The following NOTUM variants were observed in gnomAD, a reference collection of about 807,000 sequenced individuals.
The protein encoded by NOTUM is notum, palmitoleoyl-protein carboxylesterase.
Under a neutral mutation model 65.5 loss-of-function variants are expected in NOTUM, and 36 were observed. The observed-to-expected ratio is 0.55, with a 90% CI of 0.42 to 0.73. The LOEUF is 0.73. NOTUM is among the 30% of genes least tolerant of loss of function. The probability of loss-of-function intolerance (pLI) is 0.00; values close to 1 mark genes in which losing one functional copy is unlikely to be tolerated. For missense variants in NOTUM, 659 were observed against 694.2 expected (o/e 0.95, Z 0.57); for synonymous variants, 356 against 297.9 (o/e 1.20, Z -2.01).
At position 81,957,834 on chromosome 17, in the gene NOTUM, C is replaced by T; in HGVS notation, c.667G>A (p.Ala223Thr). Residue 223 changes from alanine (A) to threonine (T), a missense_variant, in exon 6 of 11, where the codon GCC (alanine) becomes ACC (threonine). Ala to Thr is a moderately conservative substitution (Grantham distance 58). Transcript: ENST00000409678. ...CTCCCGGCCAGCAGCAGCACCTTGG[C>T]CCCGCTCAGCCCTCTGCCCAGAAGC... ...RELLGRGLSG[A>T]KVLLLAGSSA... 6.2e-7 allele frequency: 1 copy of T among 1,608,052 alleles called. No homozygotes were observed. The highest frequency in any genetic ancestry group is 8.5e-7 in the Non-Finnish European group (1 of 1,177,916).
rs1410931145 is a variant in NOTUM, at chr17:81,955,388, C to T, written c.1136+9G>A. 1.3e-6 allele frequency: 2 copies of T among 1,561,420 alleles called. No individual in the cohort carries two copies. Among genetic ancestry groups the T allele is most frequent in the Non-Finnish European group, 1.7e-6 (2 of 1,150,000 alleles). ...CCCGGCGTGGGGCTCCCGGGGCCCA[C>T]ACACTCACGGCACGTCCTTGAGTGT... On this transcript the variant is annotated intron_variant, in intron 9 of 10. Coordinates refer to ENST00000409678, the MANE Select transcript of NOTUM (RefSeq NM_178493.6).
chr17:81,959,567 C>G lies in NOTUM; in HGVS notation c.377-1G>C. 6.5e-7 allele frequency: 1 copy of G among 1,548,818 alleles called. No individual in the cohort carries two copies. The highest frequency in any genetic ancestry group is 8.7e-7 in the Non-Finnish European group (1 of 1,146,362). On this transcript the variant is annotated splice_acceptor_variant, in intron 2 of 10. Transcript: ENST00000409678. LOFTEE classifies it high-confidence loss of function. ...TCGCGGTTGAAGCAGTACCAGCCGCCTGCGGACACGACCGCCGCTCAGGCC... is the reference window on the plus strand; with the variant it reads ...TCGCGGTTGAAGCAGTACCAGCCGCGTGCGGACACGACCGCCGCTCAGGCC...
chr17:81,953,323 G>A (rs1395296870), intron 10 of NOTUM, 56 bp from the exon 11 acceptor site: 3 of 1,206,656 alleles, frequency 2.5e-6, no homozygotes, highest in East Asian at 2.5e-5. Flanking sequence ...TCAACACTGA[G>A]GCAGCTGTTT....
At position 81,957,907 on chromosome 17, in the gene NOTUM, G is replaced by T. The variant is rs573529501; in HGVS notation, c.594C>A (p.Asn198Lys). 6.9e-6 allele frequency: 11 copies of T among 1,594,036 alleles called. No individual in the cohort carries two copies. Among genetic ancestry groups the T allele is most frequent in the Non-Finnish European group, 4.3e-6 (5 of 1,170,144 alleles). Reference sequence around the variant, plus strand: ...TGAGGGCGCCCATGAAGGCGTACTCGTCTGCAAGAGGGAGGGGGTGGCCTC... The same window carrying T: ...TGAGGGCGCCCATGAAGGCGTACTCTTCTGCAAGAGGGAGGGGGTGGCCTC... Reference protein sequence around the residue: ...WSGASSKSEKNEYAFMGALII... With the variant: ...WSGASSKSEKKEYAFMGALII... Residue 198 changes from asparagine (N) to lysine (K), a missense_variant and splice_region_variant, in exon 6 of 11, where the codon AAC becomes AAA. Transcript: ENST00000409678.
In NOTUM at chr17:81,960,168, C is replaced by A. The variant is rs1436870585; in HGVS notation, c.323+419G>T. ...CCCCGGCTGTCCTCGGCCTGTTGAGCGCGTGGGCGGCCCCGCCGCTCCCCG... is the reference window on the plus strand; with the variant it reads ...CCCCGGCTGTCCTCGGCCTGTTGAGAGCGTGGGCGGCCCCGCCGCTCCCCG... On this transcript the variant is annotated intron_variant, in intron 1 of 10. Coordinates refer to ENST00000409678, the MANE Select transcript of NOTUM (RefSeq NM_178493.6). The surrounding 1 kb of genome is among the most constrained non-coding windows in gnomAD (Gnocchi z 6.4). Among the ~76,000 whole-genome samples, 5 of 152,220 alleles carry A rather than the reference C, an allele frequency of 3.3e-5. No individual in the cohort carries two copies. The highest frequency in any genetic ancestry group is 3.4e-3 in the Middle Eastern group (1 of 292).
In NOTUM at chr17:81,955,513, G is replaced by A. The variant is rs568603969; in HGVS notation, c.1020C>T (p.Asp340=). The A allele has an allele frequency of 3.2e-5, 51 of 1,611,342 alleles. No homozygotes were observed. The highest frequency in any genetic ancestry group is 3.8e-5 in the Non-Finnish European group (45 of 1,179,330). The part of the protein sequence containing the change: ...CPVFVVQWLF[D]EAQLTVDNVH... ...CGTTGTCCACCGTCAGCTGTGCCTC[G>A]TCAAACAGCCACTGCACCACGAACA... The change falls in exon 9 of 11, where the codon GAC becomes GAT. Residue 340 remains aspartate (D), a synonymous_variant. Coordinates refer to ENST00000409678, the MANE Select transcript of NOTUM (RefSeq NM_178493.6).
Position 81,953,212 on chromosome 17 carries a change from A to G in NOTUM, c.1240T>C (p.Trp414Arg). The G allele has an allele frequency of 6.2e-7, 1 of 1,612,722 alleles. No individual in the cohort carries two copies. Among genetic ancestry groups the G allele is most frequent in the Non-Finnish European group, 8.5e-7 (1 of 1,179,770 alleles). The change falls in exon 11 of 11, where the codon TGG (tryptophan) becomes CGG (arginine). Residue 414 changes from tryptophan (W) to arginine (R), a missense_variant. By Grantham distance (101) the Trp-to-Arg change is moderately radical (BLOSUM62 -3). Transcript: ENST00000409678. ...TGGCTGTCATGGAGGCTCCTGTCCC[A>G]GCAGTGCAGTGCTCGGGGCAGCGAC... ...GTSLPRALHCWDRSLHDSHKA... is the reference protein window; with the variant it reads ...GTSLPRALHCRDRSLHDSHKA...
chr17:81,953,003 C>T lies in NOTUM; in HGVS notation c.1449G>A (p.Leu483=), dbSNP rs2041398928. Reference sequence around the variant, plus strand: ...GCATCCCCAGCAGCTCACTGGGCTCCAGTCCCTGCGGCTGGGCCACCGTCT... The same window carrying T: ...GCATCCCCAGCAGCTCACTGGGCTCTAGTCCCTGCGGCTGGGCCACCGTCT... ...DMQTVAQPQG[L]EPSELLGMLS... is the part of the protein sequence containing the mutation. Residue 483 remains leucine (L), a synonymous_variant, in exon 11 of 11, where the codon CTG becomes CTA. Coordinates refer to ENST00000409678, the MANE Select transcript of NOTUM (RefSeq NM_178493.6). The T allele has an allele frequency of 6.2e-7, 1 of 1,614,044 alleles. No individual in the cohort carries two copies. Among genetic ancestry groups the T allele is most frequent in the South Asian group, 1.1e-5 (1 of 91,082 alleles).
At position 81,954,297 on chromosome 17, in the gene NOTUM, G is replaced by C; in HGVS notation, c.1143C>G (p.Ser381Arg). 6.2e-7 allele frequency: 1 copy of C among 1,612,664 alleles called. No individual in the cohort carries two copies. Among genetic ancestry groups the C allele is most frequent in the South Asian group, 1.1e-5 (1 of 91,042 alleles). Residue 381 changes from serine (S) to arginine (R), a missense_variant, in exon 10 of 11, where the codon AGC (serine) becomes AGG (arginine). Coordinates refer to ENST00000409678, the MANE Select transcript of NOTUM (RefSeq NM_178493.6). Reference protein sequence around the residue: ...LRHTLKDVPASFAPACLSHEI... With the variant: ...LRHTLKDVPARFAPACLSHEI... ...CATGGGAGAGGCAGGCGGGGGCAAA[G>C]CTGGCCCTGTTGGAGAGGAGACAGT...
At position 81,959,479 on chromosome 17, in the gene NOTUM, G is replaced by C; in HGVS notation, c.464C>G (p.Thr155Ser). The C allele has an allele frequency of 2.6e-6, 4 of 1,547,344 alleles. No individual in the cohort carries two copies. The highest frequency in any genetic ancestry group is 2.6e-6 in the Non-Finnish European group (3 of 1,146,056). Residue 155 changes from threonine to serine, a missense_variant, in exon 3 of 11, where the codon ACT (threonine) becomes AGT (serine). By Grantham distance (58) the Thr-to-Ser change is moderately conservative. Coordinates refer to ENST00000409678, the MANE Select transcript of NOTUM (RefSeq NM_178493.6). ...CAGGGCCCGCCGCTGACCTGTGCGA[G>C]TGCGCGGCCAGTCCCGGGAGCTCAT... ...RLMSSRDWPR[T>S]RTGTGILSSQ... is the part of the protein sequence containing the mutation.
chr17:81,957,813 C>T lies in NOTUM; in HGVS notation c.688G>A (p.Gly230Arg), dbSNP rs1348442140. Reference sequence around the variant, plus strand: ...CTGCCCCGCCCTGCCCACCTGCTCCCGGCCAGCAGCAGCACCTTGGCCCCG... The same window carrying T: ...CTGCCCCGCCCTGCCCACCTGCTCCTGGCCAGCAGCAGCACCTTGGCCCCG... ...LSGAKVLLLA[G>R]SSAGGTGVLL... is the part of the protein sequence containing the mutation. The change falls in exon 6 of 11, where the codon GGG becomes AGG. Residue 230 changes from glycine to arginine, a missense_variant. Physicochemically the swap from Gly to Arg is moderately radical, Grantham distance 125 (BLOSUM62 -2). Transcript: ENST00000409678. 3.1e-6 allele frequency: 5 copies of T among 1,601,524 alleles called. No homozygotes were observed. The highest frequency in any genetic ancestry group is 2.3e-5 in the East Asian group (1 of 44,344).
At chr17:81,956,824 AC>A in intron 7 of NOTUM, 58 bp downstream of exon 7, 5 of 1,594,276 alleles carry the variant, frequency 3.1e-6, no homozygotes, top group Non-Finnish European at 4.3e-6. Flanking sequence ...ATGCCACTCC[AC>A]CCAGGCCCTT....
In NOTUM at chr17:81,959,845, G is replaced by C. The variant is rs2041460847; in HGVS notation, c.324-153C>G. 2.1e-5 allele frequency: 6 copies of C among 281,376 alleles called. No homozygotes were observed. In the Admixed American group the frequency reaches 2.2e-4, roughly 10 times the overall value. The allele number at this position is 281,376 out of a possible 1,614,324, so 17.4% of individuals were successfully genotyped here. ...CTCGGCCAGGCCCACGGGGAGCTCA[G>C]GGACGGCGGCGGTCCCGGGAGGTGG... is the stretch of plus-strand genomic sequence containing the variant. On this transcript the variant is annotated intron_variant, in intron 1 of 10. Coordinates refer to ENST00000409678, the MANE Select transcript of NOTUM (RefSeq NM_178493.6).
chr17:81,958,532 C>G (rs1342917774), intron 4 of NOTUM, 139 bp from the exon 5 acceptor site: 2 of 654,258 alleles, frequency 3.1e-6, no homozygotes, highest in Non-Finnish European at 5.4e-6. Flanking sequence ...GATAGAACTT[C>G]CCCTCAAGAA....
chr17:81,960,501 A>G lies in NOTUM; in HGVS notation c.323+86T>C. On this transcript the variant is annotated intron_variant, in intron 1 of 10. Transcript: ENST00000409678. The surrounding 1 kb of genome is among the most constrained non-coding windows in gnomAD (Gnocchi z 6.4). Reference sequence around the variant, plus strand: ...CGACGGAAGCCCTTTCTCCCCGGGGAGAGAACGGCCGCGGCCCGCAGGGAA... The same window carrying G: ...CGACGGAAGCCCTTTCTCCCCGGGGGGAGAACGGCCGCGGCCCGCAGGGAA... 4 of 956,724 alleles carry G rather than the reference A, an allele frequency of 4.2e-6. 1 individual carries two copies. The South Asian group carries it at 7.6e-5, about 18-fold the overall frequency. The allele number at this position is 956,724 out of a possible 1,614,324, so 59.3% of individuals were successfully genotyped here. A position where few individuals can be genotyped will look rare whatever the true frequency, so the allele number is the denominator to read the frequency against.
At chr17:81,953,594 T>C (rs908717283) in intron 10 of NOTUM, among the ~76,000 whole-genome samples, 3 of 151,864 alleles carry the variant, frequency 2.0e-5, no homozygotes, top group African/African-American at 7.3e-5. Context: ...GTATCTAGCC[T>C]GGGTTTTTTT....
In NOTUM at chr17:81,953,099, G is replaced by T. The variant is rs553325258; in HGVS notation, c.1353C>A (p.Thr451=). The change falls in exon 11 of 11, where the codon ACC becomes ACA. Residue 451 remains threonine (T), a synonymous_variant. Transcript: ENST00000409678. ...CTTGCCCCGTGAACTGGTCTCGGACGGTGGGGCATGAGGGGTTGCAGTGGG... is the reference window on the plus strand; with the variant it reads ...CTTGCCCCGTGAACTGGTCTCGGACTGTGGGGCATGAGGGGTTGCAGTGGG... ...PWPHCNPSCP[T]VRDQFTGQEM... is the part of the protein sequence containing the mutation. The T allele has an allele frequency of 2.5e-6, 4 of 1,613,866 alleles. No homozygotes were observed. The South Asian group carries it at 3.3e-5, about 13-fold the overall frequency.
At position 81,954,231 on chromosome 17, in the gene NOTUM, A is replaced by G. The variant is rs539734936; in HGVS notation, c.1184+25T>C. On this transcript the variant is annotated intron_variant, in intron 10 of 10. Transcript: ENST00000409678. Reference sequence around the variant, plus strand: ...TTTTGAAGTTGATGTCATGGACGCAAGCTGCCCGGAGCAGGGACACTGACC... The same window carrying G: ...TTTTGAAGTTGATGTCATGGACGCAGGCTGCCCGGAGCAGGGACACTGACC... 12 of 1,586,330 alleles carry G rather than the reference A, an allele frequency of 7.6e-6. No individual in the cohort carries two copies. The South Asian group carries it at 1.1e-4, about 15-fold the overall frequency.
intron 9 of NOTUM, among the ~76,000 whole-genome samples, chr17:81,954,959 CCTCT>C (rs377292858): frequency 2.2e-5 from 1 of 46,510 alleles, no homozygotes; most frequent in East Asian, 3.2e-4. Flanking sequence ...CTCTCTCTCT[CCTCT>C]CTCTCTTTCT....
Sources: gnomAD v4.1 joint callset for allele counts (sites outside exome capture counted in the v4.1 genomes callset) on GRCh38, gnomAD v4.1.1 for gene constraint, Gnocchi (gnomAD v3.1) non-coding constraint, MANE v1.5 for transcripts, NCBI Gene and HGNC (gene_info 2026-07-23, HGNC 2026-07-21) for gene names.